Variants in GSE1 observed in about 807,000 individuals in gnomAD.
GSE1 encodes Gse1 coiled-coil protein.
GSE1 carries 32 observed loss-of-function variants against 112.6 expected under a neutral mutation model. The observed-to-expected ratio is 0.28, with a 90% CI of 0.21 to 0.38. The LOEUF (loss-of-function observed/expected upper bound fraction) is 0.38, where lower values mean the gene tolerates loss of function less well. GSE1 is among the 10% of genes least tolerant of loss of function. GSE1 has a pLI of 1.00. For missense variants in GSE1, 2,348 were observed against 1,699.2 expected (o/e 1.38, Z -6.71); for synonymous variants, 1,115 against 735.6 (o/e 1.52, Z -8.35).
chr16:85,474,154 C>A (rs903776035), intron 2 of GSE1, among the ~76,000 whole-genome samples: 7 of 152,106 alleles, frequency 4.6e-5, no homozygotes, highest in Non-Finnish European at 8.8e-5. Flanking sequence ...CTGGCTCCTG[C>A]ACCAGTCCAG....
intron 1 of GSE1, among the ~76,000 whole-genome samples, chr16:85,192,168 T>C (rs1040100307): frequency 6.6e-6 from 1 of 152,254 alleles, no homozygotes; most frequent in East Asian, 1.9e-4. Flanking sequence ...GGGACCATGC[T>C]GTACATTGTA....
chr16:85,668,102 C>G (rs2053026685), intron 13 of GSE1, 38 bp from the exon 14 acceptor site: 1 of 1,499,508 alleles, frequency 6.7e-7, no homozygotes, highest in Non-Finnish European at 9.0e-7. Context: ...TGTGTCCCTT[C>G]CCCCAACACA....
At chr16:85,555,098 G>T (rs1306358172), upstream of GSE1, 1 of 985,262 alleles carries the variant, frequency 1.0e-6, no homozygotes, top group Non-Finnish European at 1.2e-6. Context: ...GCGTAGAGAC[G>T]GAAGGAGCCG....
intron 2 of GSE1, among the ~76,000 whole-genome samples, chr16:85,540,467 C>G (rs1432502547): frequency 6.6e-6 from 1 of 152,240 alleles, no homozygotes; most frequent in African/African-American, 2.4e-5. Flanking sequence ...GCTTTGTGTT[C>G]CCCTTGACCC....
chr16:85,676,033 C>G lies in GSE1; in HGVS notation c.*3494C>G, dbSNP rs569220138. On this transcript the variant is annotated 3_prime_UTR_variant, in exon 16 of 16. Coordinates refer to ENST00000253458, the MANE Select transcript of GSE1 (RefSeq NM_014615.5). ...GTGGGAGGGAGGAACACCGGTGCCTCGGTCACTCTGGGGGCAGTTTAGATG... is the reference window on the plus strand; with the variant it reads ...GTGGGAGGGAGGAACACCGGTGCCTGGGTCACTCTGGGGGCAGTTTAGATG... 1 of 152,738 alleles carries G rather than the reference C, an allele frequency of 6.5e-6. No homozygotes were observed. Among genetic ancestry groups the G allele is most frequent in the Non-Finnish European group, 1.5e-5 (1 of 68,020 alleles). The allele number at this position is 152,738 out of a possible 1,614,324, so 9.5% of individuals were successfully genotyped here. A position where few individuals can be genotyped will look rare whatever the true frequency, so the allele number is the denominator to read the frequency against.
chr16:85,500,236 A>T (rs1470518644), intron 2 of GSE1, among the ~76,000 whole-genome samples: 4 of 152,136 alleles, frequency 2.6e-5, no homozygotes, highest in African/African-American at 4.8e-5. Flanking sequence ...CATTCTGGGG[A>T]AGGGAAAAAC....
intron 1 of GSE1, among the ~76,000 whole-genome samples, chr16:85,255,923 A>G (rs57898705): frequency 0.097 from 14,324 of 147,580 alleles, 875 homozygotes; most frequent in South Asian, 0.23. Context: ...CCTGGGCTCA[A>G]GCAGTCCTCC....
At chr16:85,525,256 C>A (rs540777955) in intron 2 of GSE1, among the ~76,000 whole-genome samples, 32 of 152,172 alleles carry the variant, frequency 2.1e-4, no homozygotes, top group South Asian at 4.1e-4. Context: ...CTTGTCCCCC[C>A]CCCACTGATG....
chr16:85,433,690 A>G (rs556699966), intron 2 of GSE1, among the ~76,000 whole-genome samples: 1 of 151,882 alleles, frequency 6.6e-6, no homozygotes, highest in Non-Finnish European at 1.5e-5. Flanking sequence ...GATGAGCAGA[A>G]GGATAGATGG....
At chr16:85,671,317 G>A (rs1354172278) in intron 15 of GSE1, among the ~76,000 whole-genome samples, 1 of 151,194 alleles carries the variant, frequency 6.6e-6, no homozygotes, top group Non-Finnish European at 1.5e-5. Flanking sequence ...GCGGGCGCCT[G>A]TAGTCCCAGC....
intron 1 of GSE1, among the ~76,000 whole-genome samples, chr16:85,254,650 T>TA (rs1197554593): frequency 2.6e-5 from 4 of 152,200 alleles, no homozygotes; most frequent in Admixed American, 6.5e-5. Flanking sequence ...GCTCTGATCC[T>TA]AAGCCCGGCC....
chr16:85,624,560 C>G (rs1382067323), intron 1 of GSE1, among the ~76,000 whole-genome samples: 3 of 152,228 alleles, frequency 2.0e-5, no homozygotes, highest in African/African-American at 7.2e-5. Context: ...CAAGTGACGC[C>G]AGCCATTTCC....
At chr16:85,190,795 A>T (rs1205280399) in intron 1 of GSE1, among the ~76,000 whole-genome samples, 3 of 152,218 alleles carry the variant, frequency 2.0e-5, no homozygotes, top group African/African-American at 7.2e-5. Flanking sequence ...CCAGCTGCCA[A>T]GCCTGTGTGG....
intron 1 of GSE1, among the ~76,000 whole-genome samples, chr16:85,331,719 T>A (rs1283587491): frequency 1.4e-5 from 2 of 141,482 alleles, no homozygotes; most frequent in South Asian, 2.2e-4. Flanking sequence ...TTTTTTTTTT[T>A]TTTTTTTTAG....
chr16:85,540,661 T>C (rs2044486372), intron 2 of GSE1, among the ~76,000 whole-genome samples: 1 of 152,218 alleles, frequency 6.6e-6, no homozygotes, highest in Admixed American at 6.5e-5. Flanking sequence ...CTCACCACTG[T>C]AATCCCAGCT....
intron 1 of GSE1, among the ~76,000 whole-genome samples, chr16:85,618,420 G>C (rs1178744745): frequency 1.3e-5 from 2 of 152,144 alleles, no homozygotes; most frequent in African/African-American, 2.4e-5. Context: ...CGTGGGGTGA[G>C]CCCCTGATGA....
At chr16:85,343,426 C>T (rs1377602553) in intron 1 of GSE1, among the ~76,000 whole-genome samples, 1 of 152,112 alleles carries the variant, frequency 6.6e-6, no homozygotes, top group Admixed American at 6.6e-5. Flanking sequence ...TTACTGCTTA[C>T]AGCTGCAAAC....
At chr16:85,663,929 G>A (rs541638241) in intron 11 of GSE1, among the ~76,000 whole-genome samples, 1 of 152,272 alleles carries the variant, frequency 6.6e-6, no homozygotes, top group Non-Finnish European at 1.5e-5. Flanking sequence ...CGTGAGGGGA[G>A]GTGCCAGGTG....
At chr16:85,173,455 G>A (rs548429191) in intron 1 of GSE1, among the ~76,000 whole-genome samples, 75 of 152,196 alleles carry the variant, frequency 4.9e-4, no homozygotes, top group Non-Finnish European at 9.0e-4. Context: ...TTCCCCCAGA[G>A]GGTCAGATGC....
Sources: allele counts gnomAD v4.1 joint callset (sites outside exome capture counted in the v4.1 genomes callset), GRCh38; gene constraint gnomAD v4.1.1; transcripts MANE v1.5; gene names NCBI Gene and HGNC (gene_info 2026-07-23, HGNC 2026-07-21).